DCC: variants seen among roughly 807,000 people sequenced by gnomAD.
The protein encoded by DCC is DCC netrin 1 receptor.
DCC carries 58 observed loss-of-function variants against 172.5 expected under a neutral mutation model. The ratio of observed to expected loss-of-function variants is 0.34; its 90% CI spans 0.27 to 0.42. The LOEUF (loss-of-function observed/expected upper bound fraction) is 0.42. Ranked by LOEUF, DCC falls within the 10% of genes least tolerant of loss-of-function variation. DCC has a pLI of 1.00. For synonymous variants in DCC, 709 were observed against 644.5 expected, an observed-to-expected ratio of 1.10 and a Z score of -1.52; for missense variants, 1,740 against 1,791.0, an observed-to-expected ratio of 0.97 and a Z score of 0.51.
intron 5 of DCC, among the ~76,000 whole-genome samples, chr18:52,990,972 G>A (rs193095085): frequency 6.6e-6 from 1 of 151,984 alleles, no homozygotes; most frequent in Non-Finnish European, 1.5e-5. Flanking sequence ...GTTTATTGAC[G>A]AGGGCATTGA....
At chr18:52,891,185 A>T (rs1330141579) in intron 2 of DCC, among the ~76,000 whole-genome samples, 1 of 152,084 alleles carries the variant, frequency 6.6e-6, no homozygotes, top group East Asian at 1.9e-4. Flanking sequence ...CTCTCTTACC[A>T]TAAGTCCCTA....
intron 27 of DCC, among the ~76,000 whole-genome samples, chr18:53,503,714 A>G (rs1202256356): frequency 2.6e-5 from 4 of 152,180 alleles, no homozygotes; most frequent in African/African-American, 9.6e-5. Context: ...TTTGTCTTCT[A>G]GAGATGTAAT....
intron 2 of DCC, among the ~76,000 whole-genome samples, chr18:52,778,625 C>T (rs1019512638): frequency 3.3e-5 from 5 of 152,124 alleles, no homozygotes; most frequent in South Asian, 2.1e-4. Flanking sequence ...ACACAAAGCT[C>T]GCAGATTTTG....
Position 52,497,275 on chromosome 18 carries a change from A to T in DCC, c.91+156397A>T, listed in dbSNP as rs1568198354. Among the ~76,000 whole-genome samples, 337 of 44,244 alleles carry T rather than the reference A, an allele frequency of 7.6e-3. 20 individuals carry two copies. The highest frequency in any genetic ancestry group is 0.018 in the Middle Eastern group (1 of 56). 29.0% of individuals were successfully genotyped at this position (44,244 alleles called of 152,430 possible). On this transcript the variant is annotated intron_variant, in intron 1 of 28. Transcript: ENST00000442544. ...GACCCTGTATCAAAAAAAAAAAAAAAAAAAAATATATATATATATATATAT... is the reference window on the plus strand; with the variant it reads ...GACCCTGTATCAAAAAAAAAAAAAATAAAAAATATATATATATATATATAT...
chr18:52,888,019 A>G (rs2039593478), intron 2 of DCC, among the ~76,000 whole-genome samples: 1 of 152,252 alleles, frequency 6.6e-6, no homozygotes, highest in South Asian at 2.1e-4. Context: ...AGCCTTTATC[A>G]CTTAATAAAT....
At chr18:52,765,032 CTTT>C (rs1193909081) in intron 2 of DCC, among the ~76,000 whole-genome samples, 1 of 133,836 alleles carries the variant, frequency 7.5e-6, no homozygotes, top group African/African-American at 3.2e-5. Flanking sequence ...TCTTTTTTTT[CTTT>C]TTTTTTTTTT....
At chr18:52,961,786 C>G (rs184558186) in intron 5 of DCC, among the ~76,000 whole-genome samples, 113 of 152,098 alleles carry the variant, frequency 7.4e-4, no homozygotes, top group African/African-American at 2.5e-3. Context: ...CAGAACAGAG[C>G]CCTCAGAAAT....
intron 2 of DCC, among the ~76,000 whole-genome samples, chr18:52,783,361 TAC>T (rs1478959560): frequency 9.3e-6 from 1 of 107,870 alleles, no homozygotes; most frequent in African/African-American, 3.6e-5. Flanking sequence ...TTTTTTTTTT[TAC>T]AACACAAAGG....
At chr18:52,571,285 G>A (rs544139587) in intron 1 of DCC, among the ~76,000 whole-genome samples, 2 of 152,120 alleles carry the variant, frequency 1.3e-5, no homozygotes, top group East Asian at 1.9e-4. Context: ...GTGACTATGA[G>A]GAGGGGTCAG....
At chr18:53,133,093 T>C (rs1056430581) in intron 7 of DCC, among the ~76,000 whole-genome samples, 1 of 152,224 alleles carries the variant, frequency 6.6e-6, no homozygotes, top group Admixed American at 6.5e-5. Flanking sequence ...TTCTACATAC[T>C]CTAATAGTCT....
At chr18:52,511,219 C>T (rs550563334) in intron 1 of DCC, among the ~76,000 whole-genome samples, 4 of 146,484 alleles carry the variant, frequency 2.7e-5, no homozygotes, top group African/African-American at 1.0e-4. Flanking sequence ...AGGCAGACAT[C>T]GCAGTGAGCT....
intron 1 of DCC, among the ~76,000 whole-genome samples, chr18:52,727,820 GTT>G (rs2036574690): frequency 6.6e-6 from 1 of 152,042 alleles, no homozygotes; most frequent in Non-Finnish European, 1.5e-5. Flanking sequence ...ATGCTTTATG[GTT>G]TGGTTATGTT....
chr18:52,525,400 T>C (rs1280602874), intron 1 of DCC, among the ~76,000 whole-genome samples: 1 of 152,190 alleles, frequency 6.6e-6, no homozygotes, highest in Non-Finnish European at 1.5e-5. Flanking sequence ...TAGCAATCTG[T>C]CACAAGCATT....
At chr18:52,627,337 G>A (rs1841380953) in intron 1 of DCC, among the ~76,000 whole-genome samples, 1 of 152,170 alleles carries the variant, frequency 6.6e-6, no homozygotes, top group Admixed American at 6.5e-5. Flanking sequence ...GCCTGGGTGA[G>A]TTGGGTGGTC....
intron 8 of DCC, among the ~76,000 whole-genome samples, chr18:53,178,357 G>A (rs927113935): frequency 6.6e-5 from 10 of 152,316 alleles, no homozygotes; most frequent in African/African-American, 2.4e-4. Context: ...TAGAGATGTG[G>A]CTTGAAGAGC....
rs140519900 is a variant in DCC, at chr18:53,495,076, G to T, written c.3899-4222G>T. Among the ~76,000 whole-genome samples, 261 of 152,242 alleles carry T rather than the reference G, an allele frequency of 1.7e-3. 2 individuals are homozygous for T. Among genetic ancestry groups the T allele is most frequent in the African/African-American group, 6.0e-3 (250 of 41,548 alleles). ...TTCACTTACAAAGCTTAGTTTGGCT[G>T]GATATGAAATTCTGGGTTGAAAATT... On this transcript the variant is annotated intron_variant, in intron 26 of 28. Transcript: ENST00000442544.
chr18:53,414,067 A>G (rs1216549496), intron 20 of DCC, among the ~76,000 whole-genome samples: 3 of 152,198 alleles, frequency 2.0e-5, no homozygotes, highest in Admixed American at 6.5e-5. Flanking sequence ...TTAATTTTCA[A>G]TGGGAAACAG....
At chr18:52,958,963 A>G (rs1020657428) in intron 5 of DCC, among the ~76,000 whole-genome samples, 1 of 152,090 alleles carries the variant, frequency 6.6e-6, no homozygotes, top group African/African-American at 2.4e-5. Flanking sequence ...CGTTCTTAAA[A>G]CACTGAAATT....
chr18:52,650,520 CCT>C (rs1400251226), intron 1 of DCC, among the ~76,000 whole-genome samples: 1 of 152,054 alleles, frequency 6.6e-6, no homozygotes, highest in East Asian at 1.9e-4. Flanking sequence ...TCCTTGCCAA[CCT>C]CTGTTTTTTT....
Sources: allele counts gnomAD v4.1 joint callset (sites outside exome capture counted in the v4.1 genomes callset), GRCh38; gene constraint gnomAD v4.1.1; transcripts MANE v1.5; gene names NCBI Gene and HGNC (gene_info 2026-07-23, HGNC 2026-07-21).